Variants in LINGO2 observed in about 807,000 individuals in gnomAD.
The protein encoded by LINGO2 is leucine-rich repeat and immunoglobulin-like domain-containing nogo receptor-interacting protein 2.
Under a neutral mutation model 30.6 loss-of-function variants are expected in LINGO2, and 14 were observed. That is an observed-to-expected ratio of 0.46 (90% CI 0.30 to 0.72). LINGO2 has a LOEUF of 0.72. LINGO2 is among the 30% of genes least tolerant of loss of function. The pLI, the probability that LINGO2 is intolerant of heterozygous loss-of-function variation, is 0.07. For missense variants in LINGO2, 729 were observed against 751.7 expected, an observed-to-expected ratio of 0.97 and a Z score of 0.35; for synonymous variants, 317 against 288.5, an observed-to-expected ratio of 1.10 and a Z score of -1.00.
At chr9:27,970,686 T>G (rs1820311887) in intron 5 of LINGO2, among the ~76,000 whole-genome samples, 1 of 152,140 alleles carries the variant, frequency 6.6e-6, no homozygotes, top group Admixed American at 6.6e-5. Context: ...TGATCTCCAT[T>G]GTGAGAACTT....
intron 1 of LINGO2, among the ~76,000 whole-genome samples, chr9:28,558,685 G>T (rs1822880513): frequency 6.6e-6 from 1 of 151,980 alleles, no homozygotes; most frequent in Non-Finnish European, 1.5e-5. Context: ...GTATCGTAAT[G>T]AACACTGGGG....
rs151079235 is a variant in LINGO2, at chr9:28,143,820, C to T, written c.-86-131415G>A. On this transcript the variant is annotated intron_variant, in intron 4 of 5. Transcript: ENST00000379992. ...CTTAAATTGCTCATAAAAAAGGAAA[C>T]CAATAACTCAAGTCTCAAGAAATAT... Among the ~76,000 whole-genome samples, 837 of 151,838 alleles carry T rather than the reference C, an allele frequency of 5.5e-3. 5 individuals carry two copies. Among genetic ancestry groups the T allele is most frequent in the Non-Finnish European group, 7.3e-3 (495 of 67,864 alleles).
intron 3 of LINGO2, among the ~76,000 whole-genome samples, chr9:28,338,928 AAAATTAAC>A (rs754085096): frequency 3.4e-4 from 52 of 152,020 alleles, no homozygotes; most frequent in Middle Eastern, 6.8e-3. Flanking sequence ...CATACAAAGC[AAAATTAAC>A]AAACAAACAA....
At chr9:28,954,403 T>G in the LINGO2 span, among the ~76,000 whole-genome samples, 1 of 152,194 alleles carries the variant, frequency 6.6e-6, no homozygotes, top group Non-Finnish European at 1.5e-5. Context: ...ATGGTGTTTA[T>G]TCAAAGAACA....
chr9:28,534,775 T>C (rs943229165), intron 1 of LINGO2, among the ~76,000 whole-genome samples: 1 of 152,152 alleles, frequency 6.6e-6, no homozygotes, highest in Admixed American at 6.5e-5. Context: ...CAGAAAAATA[T>C]CTGTTTACAC....
chr9:28,821,755 C>T, the LINGO2 span, among the ~76,000 whole-genome samples: 3 of 152,158 alleles, frequency 2.0e-5, no homozygotes, highest in Non-Finnish European at 4.4e-5. Context: ...GGAGGACGTT[C>T]CCATTCCTGT....
chr9:28,103,647 C>A (rs1826481974), intron 4 of LINGO2, among the ~76,000 whole-genome samples: 1 of 152,160 alleles, frequency 6.6e-6, no homozygotes, highest in Non-Finnish European at 1.5e-5. Flanking sequence ...AACTATTTAG[C>A]TTAGCCTAAT....
chr9:28,495,435 G>T (rs1188423294), intron 1 of LINGO2, among the ~76,000 whole-genome samples: 1 of 152,098 alleles, frequency 6.6e-6, no homozygotes, highest in East Asian at 1.9e-4. Context: ...TTCTACATAT[G>T]GCTAGCCAGT....
chr9:28,591,551 C>T (rs1244442717), intron 1 of LINGO2, among the ~76,000 whole-genome samples: 1 of 151,872 alleles, frequency 6.6e-6, no homozygotes, highest in African/African-American at 2.4e-5. Context: ...ACTTGTTTTC[C>T]CAAACCCCAA....
At chr9:28,432,743 T>C (rs1311369717) in intron 2 of LINGO2, among the ~76,000 whole-genome samples, 2 of 152,166 alleles carry the variant, frequency 1.3e-5, no homozygotes, top group Admixed American at 1.3e-4. Flanking sequence ...ACATTTTGTA[T>C]TAACTGCACT....
chr9:28,727,340 C>T, the LINGO2 span, among the ~76,000 whole-genome samples: 1 of 151,776 alleles, frequency 6.6e-6, no homozygotes, highest in South Asian at 2.1e-4. Flanking sequence ...GGCTGGAATG[C>T]AGTGGTGCGA....
At chr9:28,703,641 G>C in the LINGO2 span, among the ~76,000 whole-genome samples, 2 of 151,654 alleles carry the variant, frequency 1.3e-5, no homozygotes, top group African/African-American at 4.8e-5. Flanking sequence ...GTTCAACTAT[G>C]TCCTTGCTTA....
In LINGO2 at chr9:27,991,341, T is replaced by C. The variant is rs527253278; in HGVS notation, c.-36+21014A>G. The stretch of plus-strand genomic sequence containing the variant: ...AATTTTTCTCTCCCGGATGATTTGC[T>C]TGTGGCTTTGGTCTTTTTACCTCAG... On this transcript the variant is annotated intron_variant, in intron 5 of 5. Transcript: ENST00000379992. 8.0e-4 allele frequency among the ~76,000 whole-genome samples: 121 copies of C among 152,164 alleles called. 1 individual carries two copies. Among genetic ancestry groups the C allele is most frequent in the Non-Finnish European group, 1.4e-3 (93 of 67,972 alleles).
chr9:28,613,273 A>T (rs1043930455), intron 1 of LINGO2, among the ~76,000 whole-genome samples: 2 of 152,112 alleles, frequency 1.3e-5, no homozygotes, highest in Non-Finnish European at 2.9e-5. Flanking sequence ...TATGTATCAT[A>T]TATAATGTAT....
the LINGO2 span, among the ~76,000 whole-genome samples, chr9:28,971,216 T>C: frequency 6.6e-6 from 1 of 152,108 alleles, no homozygotes. Flanking sequence ...CCTTGGGCCT[T>C]GAATAATCAA....
chr9:28,736,488 T>C, the LINGO2 span, among the ~76,000 whole-genome samples: 80 of 152,200 alleles, frequency 5.3e-4, no homozygotes, highest in Non-Finnish European at 6.8e-4. Context: ...CTTGTGATGA[T>C]TAAACAATAA....
rs1824918361 is a variant in LINGO2, at chr9:28,457,952, C to T, written c.-279+17988G>A. On this transcript the variant is annotated intron_variant, in intron 2 of 5. Coordinates refer to ENST00000379992, the Ensembl canonical transcript of LINGO2. Reference sequence around the variant, plus strand: ...CACTGAAAAGAATTAGCAATCCAGGCAGGGTACTGGAAAGTGAATCTCAAT... The same window carrying T: ...CACTGAAAAGAATTAGCAATCCAGGTAGGGTACTGGAAAGTGAATCTCAAT... Among the ~76,000 whole-genome samples, 4 of 152,128 alleles carry T rather than the reference C, an allele frequency of 2.6e-5. No homozygotes were observed. The South Asian group carries it at 8.3e-4, about 31-fold the overall frequency.
At chr9:28,938,097 T>A in the LINGO2 span, among the ~76,000 whole-genome samples, 112,381 of 152,144 alleles carry the variant, frequency 0.74, 41,671 homozygotes, top group Non-Finnish European at 0.78. Flanking sequence ...AGAGAGCCAG[T>A]TATCTCTTTT....
At chr9:28,867,452 A>G in the LINGO2 span, among the ~76,000 whole-genome samples, 2 of 151,912 alleles carry the variant, frequency 1.3e-5, no homozygotes, top group African/African-American at 2.4e-5. Context: ...GCTGAGCTAA[A>G]TATGTGGCAG....
Sources: allele counts gnomAD v4.1 joint callset (sites outside exome capture counted in the v4.1 genomes callset), GRCh38; gene constraint gnomAD v4.1.1; transcripts MANE v1.5; gene names NCBI Gene and HGNC (gene_info 2026-07-23, HGNC 2026-07-21).